The following PCDHGA3 variants were observed in gnomAD, a reference collection of about 807,000 sequenced individuals.
The protein encoded by PCDHGA3 is protocadherin gamma-A3.
In PCDHGA3, 40 loss-of-function variants were observed where a neutral mutation model predicts 58.5. That is an observed-to-expected ratio of 0.68 (90% CI 0.53 to 0.89). The LOEUF (loss-of-function observed/expected upper bound fraction) is 0.89. Among genes scored for constraint, PCDHGA3 ranks in the 40% least tolerant of loss-of-function variants. The pLI, the probability that PCDHGA3 is intolerant of heterozygous loss-of-function variation, is 0.00. For synonymous variants in PCDHGA3, 530 were observed against 525.7 expected (o/e 1.01, Z -0.11); for missense variants, 1,223 against 1,195.9 (o/e 1.02, Z -0.33).
intron 1 of PCDHGA3, among the ~76,000 whole-genome samples, chr5:141,484,740 G>GA (rs1047805396): frequency 2.0e-5 from 3 of 150,646 alleles, no homozygotes; most frequent in Admixed American, 1.3e-4. Context: ...GGTGTGTTAG[G>GA]AAAAAAAATG....
Position 141,431,915 on chromosome 5 carries a change from A to G in PCDHGA3, c.2425-62892A>G. 1 of 1,614,040 alleles carries G rather than the reference A, an allele frequency of 6.2e-7. No homozygotes were observed. The highest frequency in any genetic ancestry group is 8.5e-7 in the Non-Finnish European group (1 of 1,179,854). On this transcript the variant is annotated intron_variant, in intron 1 of 3. Coordinates refer to ENST00000253812, the MANE Select transcript of PCDHGA3 (RefSeq NM_018916.4). The surrounding 1 kb of genome is among the most constrained non-coding windows in gnomAD (Gnocchi z 4.8). ...GGAAAACGGACAGGTGATCTGTTTC[A>G]TCCAAGGAAATCTGCCCTTTAAATT...
intron 1 of PCDHGA3, among the ~76,000 whole-genome samples, chr5:141,452,648 GCTCCATCCACTGCA>G (rs2098746292): frequency 6.6e-6 from 1 of 151,930 alleles, no homozygotes; most frequent in African/African-American, 2.4e-5. Flanking sequence ...TTACTCATTT[GCTCCATCCACTGCA>G]CTCCAGCCTA....
In PCDHGA3 at chr5:141,432,725, G is replaced by T; in HGVS notation, c.2425-62082G>T. The T allele has an allele frequency of 6.2e-7, 1 of 1,614,014 alleles. No individual in the cohort carries two copies. On this transcript the variant is annotated intron_variant, in intron 1 of 3. Coordinates refer to ENST00000253812, the MANE Select transcript of PCDHGA3 (RefSeq NM_018916.4). The surrounding 1 kb of genome is among the most constrained non-coding windows in gnomAD (Gnocchi z 6.0). ...GGACCACGGCCAGCCCCCTCTCTCC[G>T]CCACTGTCACGCTCACCGTGGCCGT...
At chr5:141,406,748 A>G (rs180930343) in intron 1 of PCDHGA3, among the ~76,000 whole-genome samples, 80 of 152,312 alleles carry the variant, frequency 5.3e-4, no homozygotes, top group Non-Finnish European at 1.5e-4. Context: ...GTGAAATGAC[A>G]AAACAAGGAA....
At chr5:141,507,932 G>C (rs2099865030) in intron 3 of PCDHGA3, 1 of 152,338 alleles carries the variant, frequency 6.6e-6, no homozygotes, top group Admixed American at 6.5e-5. Context: ...TGCTGAGAGG[G>C]GTTAAGTAAG....
chr5:141,439,364 G>A (rs1561894836), intron 1 of PCDHGA3, among the ~76,000 whole-genome samples: 2 of 152,142 alleles, frequency 1.3e-5, no homozygotes, highest in Admixed American at 1.3e-4. Context: ...CAAACATCAA[G>A]AAGAAATAAA....
intron 1 of PCDHGA3, among the ~76,000 whole-genome samples, chr5:141,492,421 C>G (rs986772215): frequency 5.9e-5 from 9 of 152,250 alleles, no homozygotes; most frequent in African/African-American, 1.9e-4. Context: ...CTCCCTCCGC[C>G]GGGCTCAGGA....
rs552811383 is a variant in PCDHGA3, at chr5:141,351,385, T to C, written c.2424+4928T>C. 2.0e-5 allele frequency: 32 copies of C among 1,612,156 alleles called. No individual in the cohort carries two copies. In the South Asian group the frequency reaches 3.2e-4, roughly 16 times the overall value. On this transcript the variant is annotated intron_variant, in intron 1 of 3. Transcript: ENST00000253812. ...TGCGAGACAAGGATTCTGGGCAAAA[T>C]GGCATGGTGACATGCTATACTCAGG...
At chr5:141,437,764 A>G (rs1408729040) in intron 1 of PCDHGA3, among the ~76,000 whole-genome samples, 1 of 149,226 alleles carries the variant, frequency 6.7e-6, no homozygotes, top group Non-Finnish European at 1.5e-5. Flanking sequence ...TTTGAGACAG[A>G]GTCTCAATCT....
chr5:141,380,649 A>G (rs1354203302), intron 1 of PCDHGA3, among the ~76,000 whole-genome samples: 1 of 152,230 alleles, frequency 6.6e-6, no homozygotes, highest in East Asian at 1.9e-4. Flanking sequence ...GCTAGAGACA[A>G]TGAAGCCATT....
In PCDHGA3 at chr5:141,489,950, A is replaced by C. The variant is rs1055715796; in HGVS notation, c.2425-4857A>C. 1 of 1,614,192 alleles carries C rather than the reference A, an allele frequency of 6.2e-7. No homozygotes were observed. The highest frequency in any genetic ancestry group is 1.3e-5 in the African/African-American group (1 of 75,060). ...TCTGTCATCGTGCTGGACATCAATG[A>C]TAATGCTCCAACCTTCCAATCCTCA... is the stretch of plus-strand genomic sequence containing the variant. On this transcript the variant is annotated intron_variant, in intron 1 of 3. Coordinates refer to ENST00000253812, the MANE Select transcript of PCDHGA3 (RefSeq NM_018916.4). The surrounding 1 kb of genome is among the most constrained non-coding windows in gnomAD (Gnocchi z 4.5).
chr5:141,393,664 T>A, intron 1 of PCDHGA3: 1 of 1,613,772 alleles, frequency 6.2e-7, no homozygotes. Context: ...TTCCGGAAAA[T>A]TAATGAAAAA....
chr5:141,351,215 G>A, intron 1 of PCDHGA3: 1 of 1,614,064 alleles, frequency 6.2e-7, no homozygotes, highest in South Asian at 1.1e-5. Flanking sequence ...GGAAGCTAAG[G>A]ATGGAGGAGT....
intron 1 of PCDHGA3, chr5:141,405,042 T>C (rs765018710): frequency 1.2e-6 from 2 of 1,613,144 alleles, no homozygotes; most frequent in South Asian, 1.1e-5. Flanking sequence ...GTTGTGGCTG[T>C]GGCAGTCGTC....
intron 1 of PCDHGA3, chr5:141,426,510 T>C: frequency 2.9e-6 from 1 of 342,914 alleles, no homozygotes; most frequent in Non-Finnish European, 5.8e-6. Context: ...AACAATACTT[T>C]ACCGTGAACA....
chr5:141,405,273 A>G (rs762280864), intron 1 of PCDHGA3: 5 of 1,613,974 alleles, frequency 3.1e-6, no homozygotes, highest in African/African-American at 2.7e-5. Context: ...CCCCAGCCCA[A>G]CTATGCAGAC....
At chr5:141,454,316 A>G (rs887472165) in intron 1 of PCDHGA3, among the ~76,000 whole-genome samples, 4 of 152,188 alleles carry the variant, frequency 2.6e-5, no homozygotes, top group Non-Finnish European at 4.4e-5. Context: ...AAGCATTGAA[A>G]CCTCCAAGAA....
At chr5:141,413,148 CTT>C (rs2095608671) in intron 1 of PCDHGA3, 2 of 1,570,414 alleles carry the variant, frequency 1.3e-6, no homozygotes, top group South Asian at 1.2e-5. Flanking sequence ...CCAGTGAGGA[CTT>C]TGCAGAATTC....
At chr5:141,350,705 T>A in intron 1 of PCDHGA3, 1 of 1,613,940 alleles carries the variant, frequency 6.2e-7, no homozygotes, top group Non-Finnish European at 8.5e-7. Flanking sequence ...CGGGGTAAAA[T>A]TCTCTCTGGA....
Sources: gnomAD v4.1 joint callset for allele counts (sites outside exome capture counted in the v4.1 genomes callset) on GRCh38, gnomAD v4.1.1 for gene constraint, Gnocchi (gnomAD v3.1) non-coding constraint, MANE v1.5 for transcripts, NCBI Gene and HGNC (gene_info 2026-07-23, HGNC 2026-07-21) for gene names.